STRN: variants seen among roughly 807,000 people sequenced by gnomAD.
STRN encodes striatin, also known as protein phosphatase 2 regulatory subunit B'''alpha.
STRN carries 53 observed loss-of-function variants against 96.3 expected under a neutral mutation model. That is an observed-to-expected ratio of 0.55 (90% CI 0.44 to 0.69). The LOEUF is 0.69. STRN is among the 30% of genes least tolerant of loss of function. The pLI, the probability that STRN is intolerant of heterozygous loss-of-function variation, is 0.00. For missense variants in STRN, 987 were observed against 963.9 expected (o/e 1.02, Z -0.32); for synonymous variants, 428 against 355.9 (o/e 1.20, Z -2.28).
chr2:36,859,153 G>A (rs1281103868), intron 13 of STRN, among the ~76,000 whole-genome samples: 2 of 152,150 alleles, frequency 1.3e-5, no homozygotes, highest in Non-Finnish European at 2.9e-5. Flanking sequence ...TAAGGAACTT[G>A]GAAATTATCC....
rs3080759 is a variant in STRN at position 36,927,524 on chromosome 2, AGGGGGGG to A, written c.235-2323_235-2317del. Among the ~76,000 whole-genome samples the A allele has an allele frequency of 1.3e-4, 10 of 79,566 alleles. No homozygotes were observed. In the South Asian group the frequency reaches 5.7e-3, roughly 45 times the overall value. The allele number at this position is 79,566 out of a possible 152,430, so 52.2% of individuals were successfully genotyped here. Reference sequence around the variant, plus strand: ...ACCCTATATCAAAAAAACAAAAAAAAGGGGGGGGGGGGTGGTAATCAGGGCCAGGCAT... The same window carrying A: ...ACCCTATATCAAAAAAACAAAAAAAAGGGGGTGGTAATCAGGGCCAGGCAT... On this transcript the variant is annotated intron_variant, in intron 1 of 17. Coordinates refer to ENST00000263918, the MANE Select transcript of STRN (RefSeq NM_003162.4).
intron 1 of STRN, among the ~76,000 whole-genome samples, chr2:36,962,728 C>T (rs962489267): frequency 2.6e-5 from 4 of 152,062 alleles, no homozygotes; most frequent in Admixed American, 6.6e-5. Flanking sequence ...AGGACGGTCT[C>T]GATATCTTGA....
At position 36,867,870 on chromosome 2, in the gene STRN, G is replaced by C. The variant is rs144770393; in HGVS notation, c.1500-9C>G. 4.0e-4 allele frequency: 633 copies of C among 1,584,084 alleles called. 10 individuals carry two copies. The African/African-American group carries it at 7.6e-3, about 19-fold the overall frequency. On this transcript the variant is annotated splice_polypyrimidine_tract_variant and intron_variant, in intron 11 of 17. Coordinates refer to ENST00000263918, the MANE Select transcript of STRN (RefSeq NM_003162.4). ...CATCAAGAGAAGTGCTCCTAAATCA[G>C]AGAGAGATGACTTTACCATTCTAAG... is the stretch of plus-strand genomic sequence containing the variant.
chr2:36,871,754 C>T lies in STRN; in HGVS notation c.1324-2025G>A, dbSNP rs1243857984. 7.9e-5 allele frequency among the ~76,000 whole-genome samples: 12 copies of T among 152,158 alleles called. 1 individual carries two copies. The highest frequency in any genetic ancestry group is 7.9e-4 in the Admixed American group (12 of 15,266). ...AGGAAGTAACAGTATCTCTACTTTACAGACTAGACACATCAGGAAAAGAGA... is the reference window on the plus strand; with the variant it reads ...AGGAAGTAACAGTATCTCTACTTTATAGACTAGACACATCAGGAAAAGAGA... On this transcript the variant is annotated intron_variant, in intron 10 of 17. Coordinates refer to ENST00000263918, the MANE Select transcript of STRN (RefSeq NM_003162.4).
intron 7 of STRN, among the ~76,000 whole-genome samples, chr2:36,888,301 C>T (rs1247606082): frequency 6.6e-6 from 1 of 152,160 alleles, no homozygotes; most frequent in African/African-American, 2.4e-5. Flanking sequence ...CTCAATGTAG[C>T]AGCCAAAGAT....
chr2:36,945,116 A>G (rs1276398405), intron 1 of STRN, among the ~76,000 whole-genome samples: 1 of 152,228 alleles, frequency 6.6e-6, no homozygotes, highest in Non-Finnish European at 1.5e-5. Flanking sequence ...TCACAGCTGG[A>G]TCTTTTTAAA....
In STRN at chr2:36,838,326, A is replaced by G. The variant is rs1423365105; in HGVS notation, c.*11130T>C. Among the ~76,000 whole-genome samples, 1 of 152,144 alleles carries G rather than the reference A, an allele frequency of 6.6e-6. No individual in the cohort carries two copies. Among genetic ancestry groups the G allele is most frequent in the Non-Finnish European group, 1.5e-5 (1 of 68,036 alleles). On this transcript the variant is annotated 3_prime_UTR_variant, in exon 18 of 18. Transcript: ENST00000263918. ...AGCTTTAGTTGAGTACCCACCCTGGAAGACACTTTCATTTCAGCCTTGTTG... is the reference window on the plus strand; with the variant it reads ...AGCTTTAGTTGAGTACCCACCCTGGGAGACACTTTCATTTCAGCCTTGTTG...
chr2:36,961,165 C>T (rs1248472536), intron 1 of STRN, among the ~76,000 whole-genome samples: 3 of 128,854 alleles, frequency 2.3e-5, no homozygotes, highest in East Asian at 4.4e-4. Flanking sequence ...CTCCTTCTGT[C>T]GCCCAGGCTG....
chr2:36,895,237 G>C (rs566054882), intron 6 of STRN, among the ~76,000 whole-genome samples: 1 of 151,936 alleles, frequency 6.6e-6, no homozygotes, highest in East Asian at 1.9e-4. Flanking sequence ...TGAGGCAGAA[G>C]AATGGCGTGA....
At chr2:36,852,090 T>G (rs1305821144) in intron 15 of STRN, among the ~76,000 whole-genome samples, 1 of 152,232 alleles carries the variant, frequency 6.6e-6, no homozygotes, top group East Asian at 1.9e-4. Flanking sequence ...AATCAGTACC[T>G]ATTCTAACTT....
chr2:36,965,590 G>A (rs971122285), intron 1 of STRN, among the ~76,000 whole-genome samples: 1 of 151,962 alleles, frequency 6.6e-6, no homozygotes, highest in Non-Finnish European at 1.5e-5. Flanking sequence ...GATCATCTAG[G>A]TCCTTCATTC....
chr2:36,887,042 GACACACACACACACAC>G (rs70946957), intron 7 of STRN, among the ~76,000 whole-genome samples: 174 of 144,812 alleles, frequency 1.2e-3, no homozygotes, highest in South Asian at 3.7e-3. Context: ...TCTCCTGAAA[GACACACACACACACAC>G]ACACACACAC....
chr2:36,934,323 T>C (rs1190763705), intron 1 of STRN, among the ~76,000 whole-genome samples: 7 of 152,146 alleles, frequency 4.6e-5, no homozygotes, highest in Non-Finnish European at 7.3e-5. Context: ...TTCATTAAAG[T>C]TGAAAAGGAT....
At chr2:36,879,324 C>A (rs1393988283) in intron 9 of STRN, among the ~76,000 whole-genome samples, 1 of 152,206 alleles carries the variant, frequency 6.6e-6, no homozygotes, top group Non-Finnish European at 1.5e-5. Context: ...CCGACCTTGG[C>A]CTCCCAAAGT....
At chr2:36,889,135 G>T (rs1047933700) in intron 7 of STRN, among the ~76,000 whole-genome samples, 7 of 152,102 alleles carry the variant, frequency 4.6e-5, no homozygotes, top group African/African-American at 1.7e-4. Flanking sequence ...AGCACCAGAA[G>T]AATAAGTATC....
At chr2:36,871,279 G>C (rs1159435125) in intron 10 of STRN, among the ~76,000 whole-genome samples, 1 of 152,146 alleles carries the variant, frequency 6.6e-6, no homozygotes. Context: ...GACTCATTCA[G>C]AGCAACTTTC....
chr2:36,902,770 T>TA lies in STRN; in HGVS notation c.492-20dup. On this transcript the variant is annotated intron_variant, in intron 4 of 17. Coordinates refer to ENST00000263918, the MANE Select transcript of STRN (RefSeq NM_003162.4). ...TAGATACCTGTGTGAAGAGAATCCT[T>TA]AGAGTTCAGTCATACTGGAATCAGT... The TA allele has an allele frequency of 6.4e-7, 1 of 1,573,012 alleles. No individual in the cohort carries two copies. Among genetic ancestry groups the TA allele is most frequent in the Non-Finnish European group, 8.6e-7 (1 of 1,157,074 alleles).
intron 1 of STRN, among the ~76,000 whole-genome samples, chr2:36,927,894 C>T (rs554957646): frequency 1.3e-5 from 2 of 152,152 alleles, no homozygotes; most frequent in East Asian, 3.9e-4. Flanking sequence ...TATATATTTG[C>T]ACATATGTGA....
At chr2:36,933,928 G>A (rs1215739557) in intron 1 of STRN, among the ~76,000 whole-genome samples, 2 of 152,076 alleles carry the variant, frequency 1.3e-5, no homozygotes, top group Non-Finnish European at 2.9e-5. Flanking sequence ...TGGCCAACAC[G>A]GCGAAACCCT....
Sources: allele counts gnomAD v4.1 joint callset (sites outside exome capture counted in the v4.1 genomes callset), GRCh38; gene constraint gnomAD v4.1.1; transcripts MANE v1.5; gene names NCBI Gene and HGNC (gene_info 2026-07-23, HGNC 2026-07-21).